Variants in ATXN3 observed in about 807,000 individuals in gnomAD.
ATXN3 encodes ataxin 3, also known as ataxin-3.
In ATXN3, 28 loss-of-function variants were observed where a neutral mutation model predicts 58.2. The observed-to-expected ratio is 0.48, with a 90% CI of 0.36 to 0.66. The LOEUF (loss-of-function observed/expected upper bound fraction) is 0.66. ATXN3 is among the 30% of genes least tolerant of loss of function. ATXN3 has a pLI of 0.00. For missense variants in ATXN3, 321 were observed against 422.1 expected, an observed-to-expected ratio of 0.76 and a Z score of 2.10; for synonymous variants, 113 against 138.5, an observed-to-expected ratio of 0.82 and a Z score of 1.29.
At chr14:92,105,051 T>A (rs1020942849) in intron 1 of ATXN3, among the ~76,000 whole-genome samples, 2 of 152,232 alleles carry the variant, frequency 1.3e-5, no homozygotes, top group African/African-American at 4.8e-5. Flanking sequence ...ACTATACGAC[T>A]GAGTCCTTCC....
chr14:92,093,275 TA>T lies in ATXN3; in HGVS notation c.363del (p.Phe121LeufsTer6). The T allele has an allele frequency of 6.7e-7, 1 of 1,494,252 alleles. No homozygotes were observed. The highest frequency in any genetic ancestry group is 9.2e-7 in the Non-Finnish European group (1 of 1,081,266). The allele number at this position is 1,494,252 out of a possible 1,614,324, so 92.6% of individuals were successfully genotyped here. On this transcript the variant is annotated frameshift_variant, in exon 5 of 11. Transcript: ENST00000644486. LOFTEE classifies it high-confidence loss of function. ...SFICNYKEHWFTVRKLGKQWF... is the reference protein window; with the variant it reads ...SFICNYKEHWXTVRKLGKQWF... ...ACCTGTTTTCCTAATTTTCTAACTGTAAACCAGTGTTCCTTATAATTGCATA... is the reference window on the plus strand; with the variant it reads ...ACCTGTTTTCCTAATTTTCTAACTGTAACCAGTGTTCCTTATAATTGCATA...
At chr14:92,074,316 A>C (rs1221769439) in intron 9 of ATXN3, among the ~76,000 whole-genome samples, 1 of 151,986 alleles carries the variant, frequency 6.6e-6, no homozygotes, top group Admixed American at 6.6e-5. Context: ...GACAGACAAG[A>C]CTCCGTCTCA....
At chr14:92,091,771 C>T (rs1566965826) in intron 5 of ATXN3, among the ~76,000 whole-genome samples, 1 of 152,080 alleles carries the variant, frequency 6.6e-6, no homozygotes, top group Non-Finnish European at 1.5e-5. Flanking sequence ...GATCATGATT[C>T]ACTGCAGGCT....
intron 6 of ATXN3, among the ~76,000 whole-genome samples, chr14:92,086,839 T>C (rs1418838103): frequency 6.7e-6 from 1 of 148,396 alleles, no homozygotes; most frequent in Non-Finnish European, 1.5e-5. Context: ...GGGGAACTGA[T>C]TATATAAGAG....
At chr14:92,088,912 T>TA in intron 5 of ATXN3, 95 bp from the exon 6 acceptor site, 1 of 698,066 alleles carries the variant, frequency 1.4e-6, no homozygotes, top group South Asian at 1.8e-5. Context: ...CAAAGCTTAG[T>TA]AAGATTGTTT....
chr14:92,068,837 G>C (rs533286136), intron 10 of ATXN3, among the ~76,000 whole-genome samples: 1 of 152,012 alleles, frequency 6.6e-6, no homozygotes, highest in Non-Finnish European at 1.5e-5. Flanking sequence ...TGATCCACCC[G>C]CCTCAGCCTC....
downstream of ATXN3, among the ~76,000 whole-genome samples, chr14:92,056,322 T>G (rs1414271245): frequency 6.6e-6 from 1 of 152,236 alleles, no homozygotes; most frequent in African/African-American, 2.4e-5. Context: ...ATTTTCCATC[T>G]TATTTTTTTA....
At chr14:92,101,522 CAGA>C (rs1349383347) in intron 1 of ATXN3, among the ~76,000 whole-genome samples, 29 of 152,146 alleles carry the variant, frequency 1.9e-4, no homozygotes, top group Admixed American at 3.3e-4. Context: ...TTAATCAAAG[CAGA>C]AGTTCACTTT....
chr14:92,045,532 G>A (rs1361070166), intron 2 of ATXN3, among the ~76,000 whole-genome samples: 1 of 152,044 alleles, frequency 6.6e-6, no homozygotes, highest in East Asian at 1.9e-4. Flanking sequence ...CTAGTCCTGG[G>A]TGGGGGCAAA....
downstream of ATXN3, among the ~76,000 whole-genome samples, chr14:92,055,505 ACTC>A (rs2057462103): frequency 6.6e-6 from 1 of 151,766 alleles, no homozygotes; most frequent in African/African-American, 2.4e-5. This position sits in a 1 kb window ranked among gnomAD's most constrained non-coding sequence, Gnocchi z 4.5. Flanking sequence ...TCGTTAAACA[ACTC>A]CTAATTTTCC....
rs1437675529 is a variant in ATXN3, at chr14:92,095,209, TG to T, written c.234+883del. ...CATTTTCTCAAATTTACCCAACAGA[TG>T]GTAAGTTTGAGACATTGTGACTTAT... is the stretch of plus-strand genomic sequence containing the variant. On this transcript the variant is annotated intron_variant, in intron 3 of 10. Transcript: ENST00000644486. Among the ~76,000 whole-genome samples, 11 of 152,150 alleles carry T rather than the reference TG, an allele frequency of 7.2e-5. No homozygotes were observed. In the East Asian group the frequency reaches 2.1e-3, roughly 29 times the overall value.
chr14:92,061,180 TTTTGAG>T lies in ATXN3; in HGVS notation c.*3134_*3139del, dbSNP rs1476835482. On this transcript the variant is annotated 3_prime_UTR_variant, in exon 11 of 11. Coordinates refer to ENST00000644486, the MANE Select transcript of ATXN3 (RefSeq NM_004993.6). ...TTTGTCTGCAATGATACTCAACTGG[TTTTGAG>T]TTTTTTTCCTCATTTACTTTGGCAT... 1.3e-5 allele frequency: 2 copies of T among 152,084 alleles called. No individual in the cohort carries two copies. The highest frequency in any genetic ancestry group is 2.4e-5 in the African/African-American group (1 of 41,402). The allele number at this position is 152,084 out of a possible 1,614,324, so 9.4% of individuals were successfully genotyped here.
At chr14:92,079,965 T>C (rs2061157487) in intron 9 of ATXN3, among the ~76,000 whole-genome samples, 1 of 152,152 alleles carries the variant, frequency 6.6e-6, no homozygotes, top group Non-Finnish European at 1.5e-5. Flanking sequence ...CTTGAATTCC[T>C]GACCTCAGGT....
rs759393936 is a variant in ATXN3 at position 92,064,298 on chromosome 14, T to C, written c.*22A>G. The C allele has an allele frequency of 4.6e-6, 7 of 1,514,942 alleles. No individual in the cohort carries two copies. The highest frequency in any genetic ancestry group is 1.1e-5 in the South Asian group (1 of 88,270). The allele number at this position is 1,514,942 out of a possible 1,614,324, so 93.8% of individuals were successfully genotyped here. On this transcript the variant is annotated 3_prime_UTR_variant, in exon 11 of 11. Coordinates refer to ENST00000644486, the MANE Select transcript of ATXN3 (RefSeq NM_004993.6). ...AGGATAATGTTGGAAAGTATGAATA[T>C]CTAAATTATTTTTTAAAGGTATTAT...
At chr14:92,088,867 G>A (rs769463708) in intron 5 of ATXN3, 50 bp from the exon 6 acceptor site, 180 of 1,070,124 alleles carry the variant, frequency 1.7e-4, no homozygotes, top group Non-Finnish European at 2.3e-4. Flanking sequence ...TAGGTAATAA[G>A]GAAGTTTCAC....
intron 1 of ATXN3, among the ~76,000 whole-genome samples, chr14:92,103,994 T>G (rs774687288): frequency 6.6e-6 from 1 of 152,208 alleles, no homozygotes; most frequent in Non-Finnish European, 1.5e-5. Flanking sequence ...GGCCATATGG[T>G]TATAGGTGCG....
rs140358314 is a variant in ATXN3 at position 92,101,961 on chromosome 14, T to C, written c.24+4568A>G. 6.1e-3 allele frequency among the ~76,000 whole-genome samples: 926 copies of C among 152,196 alleles called. 13 individuals carry two copies. Among genetic ancestry groups the C allele is most frequent in the African/African-American group, 0.021 (854 of 41,536 alleles). ...CGAGGTCAAGAGATCAAGACCATCC[T>C]GGCCAACATGGTGAAACCTCGTCTC... On this transcript the variant is annotated intron_variant, in intron 1 of 10. Coordinates refer to ENST00000644486, the MANE Select transcript of ATXN3 (RefSeq NM_004993.6).
At chr14:92,048,372 G>A (rs571009138) in intron 1 of ATXN3, among the ~76,000 whole-genome samples, 18 of 152,324 alleles carry the variant, frequency 1.2e-4, no homozygotes, top group African/African-American at 4.3e-4. Flanking sequence ...AAGTCCTGTT[G>A]TGGGGTTTGA....
chr14:92,051,276 T>A (rs2140163246), upstream of ATXN3, among the ~76,000 whole-genome samples: 1 of 152,350 alleles, frequency 6.6e-6, no homozygotes, highest in East Asian at 1.9e-4. Context: ...CTACCTTTTG[T>A]TCTTCCTGAA....
Sources: allele counts gnomAD v4.1 joint callset (sites outside exome capture counted in the v4.1 genomes callset), GRCh38; gene constraint gnomAD v4.1.1; non-coding constraint Gnocchi (gnomAD v3.1); transcripts MANE v1.5; gene names NCBI Gene and HGNC (gene_info 2026-07-23, HGNC 2026-07-21).